Variants in ARHGEF7 observed in about 807,000 individuals in gnomAD.
ARHGEF7 encodes the protein PAK-interacting exchange factor beta.
In ARHGEF7, 33 loss-of-function variants were observed where a neutral mutation model predicts 109.8. That is an observed-to-expected ratio of 0.30 (90% CI 0.23 to 0.40). ARHGEF7 has a LOEUF of 0.40. Among genes scored for constraint, ARHGEF7 ranks in the 10% least tolerant of loss-of-function variants. ARHGEF7 has a pLI of 1.00. For synonymous variants in ARHGEF7, 458 were observed against 424.6 expected, an observed-to-expected ratio of 1.08 and a Z score of -0.97; for missense variants, 938 against 1,098.5, an observed-to-expected ratio of 0.85 and a Z score of 2.07.
intron 1 of ARHGEF7, among the ~76,000 whole-genome samples, chr13:111,144,930 C>T (rs1340515215): frequency 1.3e-5 from 2 of 152,198 alleles, no homozygotes; most frequent in African/African-American, 4.8e-5. Flanking sequence ...CCCTTGTCCT[C>T]CATGCCCAAT....
In ARHGEF7 at chr13:111,150,995, A is replaced by T. The variant is rs77479184; in HGVS notation, c.166-2910A>T. On this transcript the variant is annotated intron_variant, in intron 1 of 21. Transcript: ENST00000646102. ...GATACCAGCCATGCTTTTCTGTTCTACCGCCAATGGACTGGCATGCAGTTC... is the reference window on the plus strand; with the variant it reads ...GATACCAGCCATGCTTTTCTGTTCTTCCGCCAATGGACTGGCATGCAGTTC... Among the ~76,000 whole-genome samples, 244 of 152,344 alleles carry T rather than the reference A, an allele frequency of 1.6e-3. 1 individual carries two copies. The highest frequency in any genetic ancestry group is 5.7e-3 in the African/African-American group (237 of 41,578).
In ARHGEF7 at chr13:111,197,023, A is replaced by AG. The variant is rs537315798; in HGVS notation, c.253-8263dup. Among the ~76,000 whole-genome samples the AG allele has an allele frequency of 4.2e-3, 636 of 152,314 alleles. 1 individual carries two copies. Among genetic ancestry groups the AG allele is most frequent in the Middle Eastern group, 0.014 (4 of 294 alleles). ...TCCGAATGGCTTAGGATGCATTTCA[A>AG]GGGTGAGCATGTTGATGCCTGAGTG... is the stretch of plus-strand genomic sequence containing the variant. On this transcript the variant is annotated intron_variant, in intron 2 of 21. Transcript: ENST00000646102.
At chr13:111,170,401 T>G (rs985727470) in intron 2 of ARHGEF7, among the ~76,000 whole-genome samples, 3 of 152,224 alleles carry the variant, frequency 2.0e-5, no homozygotes, top group African/African-American at 4.8e-5. Flanking sequence ...CCTGGCGCAG[T>G]TAGTCAATCT....
rs374517781 is a variant in ARHGEF7 at position 111,175,149 on chromosome 13, C to A, written c.252+21158C>A. On this transcript the variant is annotated intron_variant, in intron 2 of 21. Coordinates refer to ENST00000646102, the MANE Select transcript of ARHGEF7 (RefSeq NM_001354046.2). ...TTGTGGTAAGCTGCTTATTTCTTTT[C>A]GTAATAGTTCACTGAAATAGCCACT... 2.5e-4 allele frequency among the ~76,000 whole-genome samples: 38 copies of A among 152,298 alleles called. No individual in the cohort carries two copies. The Middle Eastern group carries it at 0.01, about 41-fold the overall frequency.
chr13:111,203,090 T>C (rs2153462914), intron 2 of ARHGEF7: 1 of 1,284,534 alleles, frequency 7.8e-7, no homozygotes, highest in East Asian at 5.6e-5. Context: ...TTCTGGGTTT[T>C]GTGACTTGCT....
Position 111,275,597 on chromosome 13 carries a change from G to A in ARHGEF7, c.1338G>A (p.Arg446=), listed in dbSNP as rs1262940623. 1 of 1,614,180 alleles carries A rather than the reference G, an allele frequency of 6.2e-7. No homozygotes were observed. Among genetic ancestry groups the A allele is most frequent in the Admixed American group, 1.7e-5 (1 of 60,024 alleles). The change falls in exon 12 of 22, where the codon CGG becomes CGA. Residue 446 remains arginine, a synonymous_variant. Coordinates refer to ENST00000646102, the MANE Select transcript of ARHGEF7 (RefSeq NM_001354046.2). ...LELQILTEAI[R]NWEGDDIKTL... is the part of the protein sequence containing the mutation. ...TGCAGATCCTGACGGAAGCCATCCG[G>A]AACTGGGAGGGCGATGACATTAAAA...
chr13:111,274,874 A>G (rs113692012), intron 11 of ARHGEF7, 84 bp downstream of exon 11: 12 of 998,120 alleles, frequency 1.2e-5, no homozygotes, highest in Middle Eastern at 2.2e-4. Flanking sequence ...AAAAAGTCAA[A>G]TGATTAAAAA....
chr13:111,154,665 A>G (rs1566645439), intron 2 of ARHGEF7, among the ~76,000 whole-genome samples: 1 of 152,172 alleles, frequency 6.6e-6, no homozygotes, highest in Non-Finnish European at 1.5e-5. Flanking sequence ...TTTACTAAAC[A>G]TTGTCTTTTC....
chr13:111,178,301 T>G (rs530684809), intron 2 of ARHGEF7, among the ~76,000 whole-genome samples: 1 of 152,312 alleles, frequency 6.6e-6, no homozygotes, highest in South Asian at 2.1e-4. Context: ...CACAAAACCC[T>G]GAGTTCTTTT....
intron 2 of ARHGEF7, among the ~76,000 whole-genome samples, chr13:111,173,249 A>C (rs1330748372): frequency 6.6e-6 from 1 of 152,168 alleles, no homozygotes; most frequent in East Asian, 1.9e-4. Flanking sequence ...GGTGGAATGC[A>C]TACTGCCTGG....
In ARHGEF7 at chr13:111,143,243, G is replaced by A. The variant is rs557992651; in HGVS notation, c.166-10662G>A. Among the ~76,000 whole-genome samples the A allele has an allele frequency of 1.5e-4, 23 of 152,300 alleles. No individual in the cohort carries two copies. In the South Asian group the frequency reaches 4.6e-3, roughly 30 times the overall value. The stretch of plus-strand genomic sequence containing the variant: ...GAGTAGATACAGGAGGCAGCATCCC[G>A]GCAGAGAACAGACTGCTTGTGCTGA... On this transcript the variant is annotated intron_variant, in intron 1 of 21. Transcript: ENST00000646102.
At chr13:111,178,827 G>A (rs113137267) in intron 2 of ARHGEF7, among the ~76,000 whole-genome samples, 15 of 152,338 alleles carry the variant, frequency 9.8e-5, no homozygotes, top group African/African-American at 3.1e-4. Context: ...AGAAATGTCG[G>A]GCCGGTCAGA....
At chr13:111,262,856 T>C (rs1345060650) in intron 8 of ARHGEF7, among the ~76,000 whole-genome samples, 1 of 152,192 alleles carries the variant, frequency 6.6e-6, no homozygotes, top group Non-Finnish European at 1.5e-5. Flanking sequence ...ATCACACCTG[T>C]TAGATTATGG....
At chr13:111,277,457 A>G in intron 12 of ARHGEF7, 130 bp from the exon 13 acceptor site, 3 of 604,274 alleles carry the variant, frequency 5.0e-6, no homozygotes, top group Middle Eastern at 8.9e-4. Context: ...AAAACTTGAT[A>G]GAAATACCTA....
chr13:111,144,075 G>A (rs2075472759), intron 1 of ARHGEF7: 1 of 152,256 alleles, frequency 6.6e-6, no homozygotes, highest in Admixed American at 6.5e-5. Context: ...GCATGAGTCA[G>A]TTGAAGCACT....
chr13:111,153,471 T>TGGC (rs1451582745), intron 1 of ARHGEF7, among the ~76,000 whole-genome samples: 3 of 151,774 alleles, frequency 2.0e-5, no homozygotes, highest in Non-Finnish European at 4.4e-5. Flanking sequence ...GAGGCGGCGG[T>TGGC]GGCCGCGCGC....
At chr13:111,274,268 A>G (rs781091177) in intron 10 of ARHGEF7, among the ~76,000 whole-genome samples, 12 of 152,358 alleles carry the variant, frequency 7.9e-5, no homozygotes, top group South Asian at 4.1e-4. Context: ...CATAGGTTAT[A>G]GGGTAATACT....
chr13:111,215,726 A>G (rs2153485181), intron 4 of ARHGEF7, among the ~76,000 whole-genome samples: 1 of 152,326 alleles, frequency 6.6e-6, no homozygotes, highest in Middle Eastern at 3.4e-3. Context: ...ACATTCAAAC[A>G]CATTAATTTT....
At chr13:111,270,746 A>G (rs1180629513) in intron 9 of ARHGEF7, among the ~76,000 whole-genome samples, 1 of 152,242 alleles carries the variant, frequency 6.6e-6, no homozygotes, top group Admixed American at 6.5e-5. Flanking sequence ...TGTGGATTAC[A>G]TTTAAAGGAG....
Sources: allele counts gnomAD v4.1 joint callset (sites outside exome capture counted in the v4.1 genomes callset), GRCh38; gene constraint gnomAD v4.1.1; transcripts MANE v1.5; gene names NCBI Gene and HGNC (gene_info 2026-07-23, HGNC 2026-07-21).